The following XKR6 variants were observed in gnomAD, a reference collection of about 807,000 sequenced individuals.
XKR6 encodes XK-related protein 6.
XKR6 carries 22 observed loss-of-function variants against 56.7 expected under a neutral mutation model. The ratio of observed to expected loss-of-function variants is 0.39; its 90% CI spans 0.28 to 0.55. The LOEUF is 0.55. Among genes scored for constraint, XKR6 ranks in the 20% least tolerant of loss-of-function variants. The pLI is 0.66. For synonymous variants in XKR6, 524 were observed against 387.8 expected, an observed-to-expected ratio of 1.35 and a Z score of -4.13; for missense variants, 852 against 889.0, an observed-to-expected ratio of 0.96 and a Z score of 0.53.
At chr8:11,179,478 AAT>A (rs1208575318) in intron 1 of XKR6, among the ~76,000 whole-genome samples, 1 of 151,944 alleles carries the variant, frequency 6.6e-6, no homozygotes. Flanking sequence ...GTACTATCAG[AAT>A]TAAATACTTC....
At chr8:10,953,447 T>A (rs1273281851) in intron 1 of XKR6, among the ~76,000 whole-genome samples, 2 of 152,148 alleles carry the variant, frequency 1.3e-5, no homozygotes, top group Non-Finnish European at 2.9e-5. Flanking sequence ...CAAATGCCCA[T>A]GTTATGCCTC....
chr8:11,173,849 T>C (rs1348635619), intron 1 of XKR6, among the ~76,000 whole-genome samples: 1 of 152,050 alleles, frequency 6.6e-6, no homozygotes, highest in South Asian at 2.1e-4. Context: ...ACTACTAGAA[T>C]AAAGAATTCT....
chr8:11,085,594 G>A (rs1168024048), intron 1 of XKR6, among the ~76,000 whole-genome samples: 1 of 152,172 alleles, frequency 6.6e-6, no homozygotes, highest in Non-Finnish European at 1.5e-5. Flanking sequence ...CGAGGAGGGG[G>A]CCAGAGCGGG....
intron 1 of XKR6, among the ~76,000 whole-genome samples, chr8:10,985,843 C>G (rs190202302): frequency 1.3e-5 from 2 of 152,102 alleles, no homozygotes; most frequent in African/African-American, 2.4e-5. Flanking sequence ...CGAGCTCAAG[C>G]GATCCACCTG....
intron 1 of XKR6, among the ~76,000 whole-genome samples, chr8:11,112,964 C>T (rs1234739301): frequency 6.6e-6 from 1 of 152,142 alleles, no homozygotes; most frequent in African/African-American, 2.4e-5. Flanking sequence ...CACAGAATTA[C>T]ATGACAACTG....
intron 1 of XKR6, among the ~76,000 whole-genome samples, chr8:10,952,768 G>C (rs944519858): frequency 6.6e-6 from 1 of 152,204 alleles, no homozygotes; most frequent in Non-Finnish European, 1.5e-5. Flanking sequence ...GAATGAACCT[G>C]AGCCTCCTCT....
chr8:11,168,379 CAT>C (rs937047351), intron 1 of XKR6, among the ~76,000 whole-genome samples: 5 of 152,078 alleles, frequency 3.3e-5, no homozygotes, highest in Non-Finnish European at 7.4e-5. Flanking sequence ...ATGCACCAAA[CAT>C]AGAGTCCCAA....
chr8:11,036,921 G>C (rs1314566336), intron 1 of XKR6, among the ~76,000 whole-genome samples: 1 of 152,218 alleles, frequency 6.6e-6, no homozygotes, highest in Non-Finnish European at 1.5e-5. Flanking sequence ...ACTGGCTTGA[G>C]CTAGAACCGC....
At chr8:11,005,555 A>G (rs1414525785) in intron 1 of XKR6, among the ~76,000 whole-genome samples, 1 of 152,190 alleles carries the variant, frequency 6.6e-6, no homozygotes, top group Non-Finnish European at 1.5e-5. Flanking sequence ...AATTGTTAAA[A>G]TGGGAAGTTT....
intron 1 of XKR6, among the ~76,000 whole-genome samples, chr8:11,017,323 A>C (rs1412538200): frequency 6.6e-6 from 1 of 152,246 alleles, no homozygotes; most frequent in African/African-American, 2.4e-5. Context: ...GACAGTACCC[A>C]GGCTTTGGCA....
intron 1 of XKR6, among the ~76,000 whole-genome samples, chr8:10,939,484 C>T (rs956840849): frequency 6.6e-6 from 1 of 152,236 alleles, no homozygotes; most frequent in African/African-American, 2.4e-5. Flanking sequence ...TGGGGACAAG[C>T]CAGCTCCTGA....
chr8:10,948,742 G>A (rs1257718841), intron 1 of XKR6, among the ~76,000 whole-genome samples: 5 of 152,222 alleles, frequency 3.3e-5, no homozygotes, highest in Admixed American at 2.6e-4. Context: ...ACCCCGGCGT[G>A]TAGCTGTGGC....
At chr8:11,185,170 G>C (rs1045053810) in intron 1 of XKR6, among the ~76,000 whole-genome samples, 1 of 152,274 alleles carries the variant, frequency 6.6e-6, no homozygotes, top group East Asian at 1.9e-4. Context: ...GGTGCCCGCC[G>C]TGTGCCCTGA....
chr8:10,932,694 C>T (rs7461237), intron 1 of XKR6, among the ~76,000 whole-genome samples: 39,851 of 109,750 alleles, frequency 0.36, 7,627 homozygotes, highest in Middle Eastern at 0.49. Context: ...TTTGTTCTGG[C>T]GATAGTTTAC....
chr8:11,133,866 C>A (rs376589826), intron 1 of XKR6, among the ~76,000 whole-genome samples: 3 of 152,124 alleles, frequency 2.0e-5, no homozygotes, highest in Non-Finnish European at 4.4e-5. Context: ...TCGGCTCCTA[C>A]TAAAACCCAG....
intron 1 of XKR6, among the ~76,000 whole-genome samples, chr8:11,071,742 C>G (rs886254503): frequency 6.6e-6 from 1 of 152,146 alleles, no homozygotes; most frequent in Non-Finnish European, 1.5e-5. Flanking sequence ...TTATGATGGT[C>G]TTAGCAAATG....
chr8:10,975,048 T>C (rs940844830), intron 1 of XKR6, among the ~76,000 whole-genome samples: 2 of 152,172 alleles, frequency 1.3e-5, no homozygotes, highest in Non-Finnish European at 2.9e-5. Context: ...TGCTGGCAGG[T>C]GACCTTCGGG....
chr8:11,044,062 C>T (rs953171354), intron 1 of XKR6, among the ~76,000 whole-genome samples: 2 of 152,212 alleles, frequency 1.3e-5, no homozygotes, highest in African/African-American at 2.4e-5. Flanking sequence ...AACCGAACCC[C>T]TGTTCCACCA....
rs550393910 is a variant in XKR6, at chr8:11,133,150, T to C, written c.764+67426A>G. On this transcript the variant is annotated intron_variant, in intron 1 of 2. Transcript: ENST00000416569. ...AGGGAGAGGGTGTGGGTACGAGGAATTGAAACCTAAACGCACATTTATAAA... is the reference window on the plus strand; with the variant it reads ...AGGGAGAGGGTGTGGGTACGAGGAACTGAAACCTAAACGCACATTTATAAA... 7.2e-4 allele frequency among the ~76,000 whole-genome samples: 110 copies of C among 152,264 alleles called. 2 individuals are homozygous for C. In the South Asian group the frequency reaches 0.014, roughly 19 times the overall value.
Sources: gnomAD v4.1 joint callset for allele counts (sites outside exome capture counted in the v4.1 genomes callset) on GRCh38, gnomAD v4.1.1 for gene constraint, MANE v1.5 for transcripts, NCBI Gene and HGNC (gene_info 2026-07-23, HGNC 2026-07-21) for gene names.